The following PTGER3 variants were observed in gnomAD, a reference collection of about 807,000 sequenced individuals.
PTGER3 encodes prostaglandin E2 receptor EP3 subtype.
A neutral mutation model predicts 34.7 loss-of-function variants in PTGER3; 22 were observed. That is an observed-to-expected ratio of 0.63 (90% confidence interval 0.45 to 0.91). The LOEUF is 0.91. Ranked by LOEUF, PTGER3 falls within the 40% of genes least tolerant of loss-of-function variation. The pLI, the probability that PTGER3 is intolerant of heterozygous loss-of-function variation, is 0.00. For synonymous variants in PTGER3, 241 were observed against 230.1 expected, an observed-to-expected ratio of 1.05 and a Z score of -0.43; for missense variants, 468 against 519.4, an observed-to-expected ratio of 0.90 and a Z score of 0.96.
intron 4 of PTGER3, chr1:70,862,468 A>G: frequency 1.0e-6 from 1 of 972,090 alleles, no homozygotes; most frequent in Non-Finnish European, 1.5e-6. Context: ...AGTGAAGTGA[A>G]TGGATAATTT....
Position 70,926,396 on chromosome 1 carries a change from G to A in PTGER3, c.*23+27367C>T, listed in dbSNP as rs28502040. Among the ~76,000 whole-genome samples the A allele has an allele frequency of 2.3e-4, 35 of 152,110 alleles. No individual in the cohort carries two copies. The South Asian group carries it at 5.2e-3, about 23-fold the overall frequency. On this transcript the variant is annotated intron_variant, in intron 4 of 4. Transcript: ENST00000370931. The stretch of plus-strand genomic sequence containing the variant: ...AGTTCTCCTTGAAGAGGTCCTTCAC[G>A]TCCCTTGTAAGTTGGATTCCTAAGT...
Position 70,974,444 on chromosome 1 carries a change from G to C in PTGER3, c.1078-56C>G, listed in dbSNP as rs1241599160. ...CTTCCTTGAGTATTTTTAAAGAAAA[G>C]CAAAACCAAAACCTGCATATCAAAG... On this transcript the variant is annotated intron_variant, in intron 2 of 3. Coordinates refer to ENST00000306666, the MANE Select transcript of PTGER3 (RefSeq NM_198719.2). 1.0e-5 allele frequency: 8 copies of C among 785,320 alleles called. No homozygotes were observed. The Admixed American group carries it at 1.1e-4, about 11-fold the overall frequency. The allele number at this position is 785,320 out of a possible 1,614,324, so 48.6% of individuals were successfully genotyped here. A position where few individuals can be genotyped will look rare whatever the true frequency, so the allele number is the denominator to read the frequency against.
At chr1:70,916,164 C>A (rs1215115261) in intron 4 of PTGER3, among the ~76,000 whole-genome samples, 1 of 151,870 alleles carries the variant, frequency 6.6e-6, no homozygotes, top group Non-Finnish European at 1.5e-5. Context: ...CAGATAAATG[C>A]AAATCAAAAC....
At chr1:70,860,656 C>T (rs1233320701) in intron 4 of PTGER3, among the ~76,000 whole-genome samples, 2 of 152,070 alleles carry the variant, frequency 1.3e-5, no homozygotes, top group Non-Finnish European at 2.9e-5. Flanking sequence ...GTAAAATTGA[C>T]TTCAATAGTC....
downstream of PTGER3, among the ~76,000 whole-genome samples, chr1:70,948,468 T>C (rs1027533789): frequency 1.3e-5 from 2 of 152,148 alleles, no homozygotes; most frequent in African/African-American, 4.8e-5. Flanking sequence ...ATTAAACCTC[T>C]TTCCTTTATA....
chr1:70,854,330 G>A (rs1215936206), intron 4 of PTGER3, among the ~76,000 whole-genome samples: 1 of 152,122 alleles, frequency 6.6e-6, no homozygotes, highest in African/African-American at 2.4e-5. Context: ...GTATTTCTCC[G>A]AAGAGTTATA....
At chr1:70,874,446 T>C (rs978936256) in intron 4 of PTGER3, among the ~76,000 whole-genome samples, 12 of 152,230 alleles carry the variant, frequency 7.9e-5, no homozygotes, top group African/African-American at 2.9e-4. Context: ...GGCTGGTTCC[T>C]TGGGTTTTTA....
chr1:70,906,014 G>A (rs11209714), intron 4 of PTGER3, among the ~76,000 whole-genome samples: 64,498 of 151,826 alleles, frequency 0.42, 14,180 homozygotes, highest in East Asian at 0.66. Flanking sequence ...CATGATAGTG[G>A]ATGAATCTCA....
intron 4 of PTGER3, among the ~76,000 whole-genome samples, chr1:70,890,427 G>A (rs1251170621): frequency 6.6e-6 from 1 of 151,976 alleles, no homozygotes; most frequent in Admixed American, 6.6e-5. Context: ...CTGTAAACTG[G>A]TGGAGGATGA....
At chr1:70,974,445 C>T in intron 2 of PTGER3, 57 bp from the exon 3 acceptor site, 2 of 772,324 alleles carry the variant, frequency 2.6e-6, no homozygotes, top group Non-Finnish European at 4.8e-6. Flanking sequence ...TAAAGAAAAG[C>T]AAAACCAAAA....
chr1:70,896,104 G>C (rs1646717643), intron 4 of PTGER3, among the ~76,000 whole-genome samples: 1 of 152,096 alleles, frequency 6.6e-6, no homozygotes, highest in Non-Finnish European at 1.5e-5. Flanking sequence ...GAAGATAGTA[G>C]GATGCATGTA....
intron 2 of PTGER3, chr1:71,010,121 A>G: frequency 1.0e-6 from 1 of 985,152 alleles, no homozygotes; most frequent in Non-Finnish European, 1.2e-6. Context: ...AGTTAAGAAT[A>G]AGTGTCAGGT....
chr1:70,989,208 T>C lies in PTGER3; in HGVS notation c.1078-14820A>G, dbSNP rs112846722. On this transcript the variant is annotated intron_variant, in intron 2 of 3. Coordinates refer to ENST00000306666, the MANE Select transcript of PTGER3 (RefSeq NM_198719.2). ...AATGCTTGAAGCTTACTTAACTCAC[T>C]ACAGACCTGGAAAGTTGCTTAAATT... Among the ~76,000 whole-genome samples, 73 of 152,296 alleles carry C rather than the reference T, an allele frequency of 4.8e-4. 1 individual carries two copies. Among genetic ancestry groups the C allele is most frequent in the African/African-American group, 1.7e-3 (69 of 41,560 alleles).
At position 71,047,551 on chromosome 1, in the gene PTGER3, C is replaced by T. The variant is rs1320878153; in HGVS notation, c.27G>A (p.Gly9=). The change falls in exon 1 of 4, where the codon GGG becomes GGA. Residue 9 remains glycine (G), a synonymous_variant. Coordinates refer to ENST00000306666, the MANE Select transcript of PTGER3 (RefSeq NM_198719.2). The part of the protein sequence containing the change: MKETRGYG[G]DAPFCTRLNH... ...TGAGGCGGGTGCAGAAGGGGGCATC[C>T]CCTCCGTAGCCCCGGGTCTCCTTCA... 6.4e-7 allele frequency: 1 copy of T among 1,562,952 alleles called. No homozygotes were observed. Among genetic ancestry groups the T allele is most frequent in the Non-Finnish European group, 8.7e-7 (1 of 1,151,188 alleles).
intron 4 of PTGER3, among the ~76,000 whole-genome samples, chr1:70,907,034 C>T (rs923716680): frequency 6.6e-6 from 1 of 152,126 alleles, no homozygotes; most frequent in African/African-American, 2.4e-5. Context: ...TGTTTCCTGT[C>T]TTAGCAAGTT....
chr1:70,941,922 C>G (rs1415757821), intron 4 of PTGER3, among the ~76,000 whole-genome samples: 2 of 152,106 alleles, frequency 1.3e-5, no homozygotes, highest in African/African-American at 4.8e-5. Context: ...GACCGTCCTC[C>G]TTAAAAATCC....
At chr1:70,933,469 A>T (rs1648917299) in intron 4 of PTGER3, among the ~76,000 whole-genome samples, 1 of 152,182 alleles carries the variant, frequency 6.6e-6, no homozygotes, top group African/African-American at 2.4e-5. Context: ...ATATTTGCCG[A>T]TATCATTTAA....
chr1:70,935,197 G>T (rs540377432), intron 4 of PTGER3, among the ~76,000 whole-genome samples: 1 of 152,058 alleles, frequency 6.6e-6, no homozygotes, highest in Non-Finnish European at 1.5e-5. Flanking sequence ...TTCATAAGAG[G>T]TCATAGGAGC....
chr1:70,946,520 T>G (rs963703926), intron 4 of PTGER3, among the ~76,000 whole-genome samples: 1 of 152,162 alleles, frequency 6.6e-6, no homozygotes, highest in Non-Finnish European at 1.5e-5. Flanking sequence ...CCTGCTGTGG[T>G]GAGGTTTCAT....
Sources: gnomAD v4.1 joint callset for allele counts (sites outside exome capture counted in the v4.1 genomes callset) on GRCh38, gnomAD v4.1.1 for gene constraint, MANE v1.5 for transcripts, NCBI Gene and HGNC (gene_info 2026-07-23, HGNC 2026-07-21) for gene names.